The following CATSPERB variants were observed in gnomAD, a reference collection of about 807,000 sequenced individuals.
CATSPERB encodes cation channel sperm-associated auxiliary subunit beta.
In CATSPERB, 93 loss-of-function variants were observed where a neutral mutation model predicts 128.3. The ratio of observed to expected loss-of-function variants is 0.72; its 90% confidence interval spans 0.61 to 0.86. The LOEUF (loss-of-function observed/expected upper bound fraction) is 0.86, where lower values mean the gene tolerates loss of function less well. Ranked by LOEUF, CATSPERB falls within the 40% of genes least tolerant of loss-of-function variation. The probability of loss-of-function intolerance (pLI) is 0.00; values close to 1 mark genes in which losing one functional copy is unlikely to be tolerated. For missense variants in CATSPERB, 1,153 were observed against 1,329.5 expected (o/e 0.87, Z 2.06); for synonymous variants, 381 against 448.8 (o/e 0.85, Z 1.91).
At chr14:91,596,324 C>T (rs1418643438) in intron 22 of CATSPERB, among the ~76,000 whole-genome samples, 3 of 152,062 alleles carry the variant, frequency 2.0e-5, no homozygotes, top group African/African-American at 7.2e-5. Flanking sequence ...CTTCCTCAGC[C>T]TCCTGAGTAG....
At chr14:91,675,789 T>C (rs1382695167) in intron 11 of CATSPERB, among the ~76,000 whole-genome samples, 1 of 152,148 alleles carries the variant, frequency 6.6e-6, no homozygotes, top group Non-Finnish European at 1.5e-5. Flanking sequence ...AACCCTGAAG[T>C]AGAACAGCTT....
At chr14:91,707,489 C>T (rs1160652833) in intron 6 of CATSPERB, among the ~76,000 whole-genome samples, 1 of 147,574 alleles carries the variant, frequency 6.8e-6, no homozygotes, top group South Asian at 2.1e-4. Flanking sequence ...AAACTACTTA[C>T]TTTTTTGGAA....
chr14:91,647,721 GC>G (rs2139812407), intron 15 of CATSPERB, among the ~76,000 whole-genome samples: 1 of 152,210 alleles, frequency 6.6e-6, no homozygotes, highest in East Asian at 1.9e-4. Context: ...GGAAAGGCCT[GC>G]CCCCATGATT....
intron 17 of CATSPERB, among the ~76,000 whole-genome samples, chr14:91,627,825 T>C (rs1291034400): frequency 2.0e-5 from 3 of 151,936 alleles, no homozygotes; most frequent in Non-Finnish European, 4.4e-5. Flanking sequence ...AAAAATAAAA[T>C]AAACTAGCTG....
chr14:91,608,179 C>A, intron 22 of CATSPERB, 115 bp downstream of exon 22: 1 of 643,110 alleles, frequency 1.6e-6, no homozygotes, highest in South Asian at 2.1e-5. Context: ...GAGTAGCAAT[C>A]ACGATAATAA....
At chr14:91,721,116 T>C (rs913237341) in intron 4 of CATSPERB, among the ~76,000 whole-genome samples, 1 of 152,148 alleles carries the variant, frequency 6.6e-6, no homozygotes, top group African/African-American at 2.4e-5. Context: ...AGGTAAATTA[T>C]CAACCTCCTA....
At chr14:91,619,553 T>TA (rs766083266) in intron 19 of CATSPERB, among the ~76,000 whole-genome samples, 7 of 149,358 alleles carry the variant, frequency 4.7e-5, no homozygotes, top group Non-Finnish European at 7.4e-5. Context: ...GCCTTTTTTT[T>TA]AAAAAAAAAA....
At chr14:91,633,821 T>C (rs149594001) in intron 17 of CATSPERB, among the ~76,000 whole-genome samples, 1 of 149,704 alleles carries the variant, frequency 6.7e-6, no homozygotes, top group Non-Finnish European at 1.5e-5. Context: ...AATGCTTAAA[T>C]ATATATATAT....
At chr14:91,637,151 T>G (rs910642156) in intron 16 of CATSPERB, among the ~76,000 whole-genome samples, 2 of 152,142 alleles carry the variant, frequency 1.3e-5, no homozygotes, top group African/African-American at 2.4e-5. Context: ...CCTGACCCTG[T>G]CCTGCTTGGG....
At chr14:91,646,156 ATCACCCG>A (rs1342416131) in intron 15 of CATSPERB, 1 of 156,226 alleles carries the variant, frequency 6.4e-6, no homozygotes, top group East Asian at 1.9e-4. Context: ...AAATGCAGAA[ATCACCCG>A]TCTTCTGTGT....
chr14:91,620,715 T>C (rs1412777423), intron 19 of CATSPERB, among the ~76,000 whole-genome samples: 1 of 152,142 alleles, frequency 6.6e-6, no homozygotes, highest in African/African-American at 2.4e-5. Context: ...ATACAAAGGG[T>C]TGGTTCAAGG....
chr14:91,587,179 G>T (rs748815160), intron 26 of CATSPERB, 23 bp downstream of exon 26: 1 of 1,569,058 alleles, frequency 6.4e-7, no homozygotes, highest in South Asian at 1.2e-5. Flanking sequence ...TCACCCCTCT[G>T]ATGCCAAGTG....
intron 15 of CATSPERB, 66 bp from the exon 16 acceptor site, chr14:91,639,316 T>G: frequency 7.4e-7 from 1 of 1,357,942 alleles, no homozygotes; most frequent in Non-Finnish European, 1.0e-6. Context: ...TTTAATATCA[T>G]ACCTTGTAAA....
At chr14:91,606,328 C>T (rs1342999053) in intron 22 of CATSPERB, among the ~76,000 whole-genome samples, 1 of 151,886 alleles carries the variant, frequency 6.6e-6, no homozygotes, top group Admixed American at 6.6e-5. Context: ...TTTGAGAAGC[C>T]GAGGTGAATG....
chr14:91,687,950 CAA>C (rs11404420), intron 10 of CATSPERB, among the ~76,000 whole-genome samples: 14 of 117,096 alleles, frequency 1.2e-4, no homozygotes, highest in South Asian at 3.2e-4. Context: ...GAGAGTGTCT[CAA>C]AAAAAAAAAA....
At chr14:91,670,121 C>T in intron 13 of CATSPERB, 149 bp from the exon 14 acceptor site, 1 of 677,792 alleles carries the variant, frequency 1.5e-6, no homozygotes, top group Non-Finnish European at 2.5e-6. Flanking sequence ...TACCTCTTTA[C>T]TCCACCACTC....
chr14:91,686,451 C>A (rs1432659997), intron 10 of CATSPERB, among the ~76,000 whole-genome samples: 1 of 152,110 alleles, frequency 6.6e-6, no homozygotes, highest in East Asian at 1.9e-4. Flanking sequence ...ATTCTGAACA[C>A]CTTTGCTTCA....
intron 5 of CATSPERB, among the ~76,000 whole-genome samples, chr14:91,718,970 C>T (rs1016335187): frequency 2.8e-4 from 42 of 152,140 alleles, no homozygotes; most frequent in Non-Finnish European, 5.3e-4. Flanking sequence ...TTTGACTTTT[C>T]TCCTCTTTTC....
chr14:91,592,037 T>C (rs774324755), intron 22 of CATSPERB, 35 bp from the exon 23 acceptor site: 2 of 1,364,208 alleles, frequency 1.5e-6, no homozygotes, highest in South Asian at 2.3e-5. Context: ...GACTTGTTTT[T>C]CTGCGTTGCG....
Sources: gnomAD v4.1 joint callset for allele counts (sites outside exome capture counted in the v4.1 genomes callset) on GRCh38, gnomAD v4.1.1 for gene constraint, MANE v1.5 for transcripts, NCBI Gene and HGNC (gene_info 2026-07-23, HGNC 2026-07-21) for gene names.